The following KMT2A variants were observed in gnomAD, a reference collection of about 807,000 sequenced individuals.
The protein encoded by KMT2A is lysine methyltransferase 2A.
KMT2A carries 16 observed loss-of-function variants against 345.3 expected under a neutral mutation model. That is an observed-to-expected ratio of 0.05 (90% CI 0.03 to 0.07). The LOEUF (loss-of-function observed/expected upper bound fraction) is 0.07. Ranked by LOEUF, KMT2A falls within the 10% of genes least tolerant of loss-of-function variation. The pLI is 1.00. For synonymous variants in KMT2A, 1,599 were observed against 1,778.6 expected, an observed-to-expected ratio of 0.90 and a Z score of 2.54; for missense variants, 3,272 against 4,841.6, an observed-to-expected ratio of 0.68 and a Z score of 9.62.
chr11:118,506,569 A>C lies in KMT2A; in HGVS notation c.10677A>C (p.Lys3559Asn). The C allele has an allele frequency of 6.2e-7, 1 of 1,614,168 alleles. No homozygotes were observed. Among genetic ancestry groups the C allele is most frequent in the Non-Finnish European group, 8.5e-7 (1 of 1,180,028 alleles). ...ACAAAGGGAATGGCAAGAAGCACAA[A>C]GTTTCCCATTTGCGGACCAGTTCTT... is the stretch of plus-strand genomic sequence containing the variant. ...PLDKGNGKKHKVSHLRTSSSE... is the reference protein window; with the variant it reads ...PLDKGNGKKHNVSHLRTSSSE... The change falls in exon 27 of 36, where the codon AAA becomes AAC. Residue 3559 changes from lysine to asparagine, a missense_variant. Coordinates refer to ENST00000534358, the MANE Select transcript of KMT2A (RefSeq NM_001197104.2).
chr11:118,498,568 C>CTTT lies in KMT2A; in HGVS notation c.5961+44_5961+46dup, dbSNP rs781835065. ...GTTGCTTTAAAAAAAAAAAAAAAGACTTTTTTAGAGCAGTTTTAGGTTCAC... is the reference window on the plus strand; with the variant it reads ...GTTGCTTTAAAAAAAAAAAAAAAGACTTTTTTTTTAGAGCAGTTTTAGGTTCAC... On this transcript the variant is annotated intron_variant, in intron 22 of 35. Coordinates refer to ENST00000534358, the MANE Select transcript of KMT2A (RefSeq NM_001197104.2). The surrounding 1 kb of genome is among the most constrained non-coding windows in gnomAD (Gnocchi z 4.4). 2.1e-6 allele frequency: 3 copies of CTTT among 1,411,970 alleles called. No homozygotes were observed. The highest frequency in any genetic ancestry group is 2.9e-6 in the Non-Finnish European group (3 of 1,033,286). The allele number at this position is 1,411,970 out of a possible 1,614,324, so 87.5% of individuals were successfully genotyped here.
At chr11:118,492,237 T>C (rs1192242925) in intron 15 of KMT2A, among the ~76,000 whole-genome samples, 4 of 152,178 alleles carry the variant, frequency 2.6e-5, no homozygotes, top group African/African-American at 7.2e-5. Flanking sequence ...GAAAAAATAT[T>C]GTTCTGACTG....
In KMT2A at chr11:118,436,984, C is replaced by T. The variant is rs1949197885; in HGVS notation, c.432+40C>T. ...AACCCCCAGGTCCGGGGTCTCGACC[C>T]TCTGCGGAGCCCCCTCCCCTCCCCC... On this transcript the variant is annotated intron_variant, in intron 1 of 35. Coordinates refer to ENST00000534358, the MANE Select transcript of KMT2A (RefSeq NM_001197104.2). This position sits in a 1 kb window ranked among gnomAD's most constrained non-coding sequence, Gnocchi z 6.9. 2 of 1,386,466 alleles carry T rather than the reference C, an allele frequency of 1.4e-6. No individual in the cohort carries two copies. The highest frequency in any genetic ancestry group is 2.9e-5 in the East Asian group (1 of 34,208). 85.9% of individuals were successfully genotyped at this position (1,386,466 alleles called of 1,614,324 possible).
In KMT2A at chr11:118,496,211, C is replaced by T. The variant is rs1555043900; in HGVS notation, c.5558-50C>T. On this transcript the variant is annotated intron_variant, in intron 19 of 35. Transcript: ENST00000534358. The surrounding 1 kb of genome is among the most constrained non-coding windows in gnomAD (Gnocchi z 4.7). ...TCCTTGAAATCAGACATAGTATTGC[C>T]AATTTTAACTGGATCTCAAGGTATT... The T allele has an allele frequency of 4.5e-6, 6 of 1,326,264 alleles. No homozygotes were observed. Among genetic ancestry groups the T allele is most frequent in the Non-Finnish European group, 5.4e-6 (5 of 919,668 alleles). 82.2% of individuals were successfully genotyped at this position (1,326,264 alleles called of 1,614,324 possible). A position where few individuals can be genotyped will look rare whatever the true frequency, so the allele number is the denominator to read the frequency against.
In KMT2A at chr11:118,522,082, C is replaced by T; in HGVS notation, c.11829C>T (p.Leu3943=). 6.2e-7 allele frequency: 1 copy of T among 1,614,196 alleles called. No homozygotes were observed. ...AMRKIYRGEE[L]TYDYKFPIED... ...GTAAGATCTACCGAGGAGAGGAACT[C>T]ACTTACGACTATAAGTTCCCCATTG... Residue 3943 remains leucine, a synonymous_variant, in exon 36 of 36, where the codon CTC becomes CTT. Coordinates refer to ENST00000534358, the MANE Select transcript of KMT2A (RefSeq NM_001197104.2). This position sits in a 1 kb window ranked among gnomAD's most constrained non-coding sequence, Gnocchi z 5.4.
chr11:118,511,801 T>C, intron 30 of KMT2A, 150 bp from the exon 31 acceptor site: 1 of 715,282 alleles, frequency 1.4e-6, no homozygotes, highest in Non-Finnish European at 2.5e-6. Flanking sequence ...TGAACTGACT[T>C]AAACTCTAAG....
intron 1 of KMT2A, among the ~76,000 whole-genome samples, chr11:118,442,611 C>T (rs1157381513): frequency 3.3e-5 from 5 of 152,170 alleles, no homozygotes; most frequent in Non-Finnish European, 5.9e-5. Flanking sequence ...GGCTTTGAGA[C>T]ACAGACTGAA....
chr11:118,515,424 A>G (rs1281269929), intron 31 of KMT2A, among the ~76,000 whole-genome samples: 1 of 152,246 alleles, frequency 6.6e-6, no homozygotes, highest in Non-Finnish European at 1.5e-5. Context: ...TATATAACAG[A>G]AAGTCCAGAG....
At position 118,488,705 on chromosome 11, in the gene KMT2A, G is replaced by A. The variant is rs2134328037; in HGVS notation, c.4424G>A (p.Cys1475Tyr). ...RPLEDQLENW[C>Y]CRRCKFCHVC... ...CTGGAGGACCAGCTGGAAAATTGGT[G>A]TTGTCGTCGTTGCAAATTCTGTCAC... Residue 1475 changes from cysteine (C) to tyrosine (Y), a missense_variant, in exon 11 of 36, where the codon TGT becomes TAT. Coordinates refer to ENST00000534358, the MANE Select transcript of KMT2A (RefSeq NM_001197104.2). The A allele has an allele frequency of 6.2e-7, 1 of 1,614,152 alleles. No homozygotes were observed. The highest frequency in any genetic ancestry group is 8.5e-7 in the Non-Finnish European group (1 of 1,180,000).
intron 31 of KMT2A, among the ~76,000 whole-genome samples, chr11:118,515,498 T>C (rs1950792181): frequency 6.6e-6 from 1 of 152,224 alleles, no homozygotes; most frequent in Admixed American, 6.5e-5. Context: ...ATACCTAGAT[T>C]CTTTTCTTCT....
rs897984759 is a variant in KMT2A at position 118,497,134 on chromosome 11, A to T, written c.5664+767A>T. On this transcript the variant is annotated intron_variant, in intron 20 of 35. Coordinates refer to ENST00000534358, the MANE Select transcript of KMT2A (RefSeq NM_001197104.2). The surrounding 1 kb of genome is among the most constrained non-coding windows in gnomAD (Gnocchi z 4.8). ...ATTCTCCTGCCTCAGCCTCCCGAGT[A>T]GCTGGGATTACAGGCATGTGCCACC... Among the ~76,000 whole-genome samples the T allele has an allele frequency of 6.6e-6, 1 of 152,036 alleles. No individual in the cohort carries two copies. The highest frequency in any genetic ancestry group is 2.1e-4 in the South Asian group (1 of 4,824).
Position 118,498,614 on chromosome 11 carries a change from A to G in KMT2A, c.5961+86A>G. The G allele has an allele frequency of 7.2e-7, 1 of 1,395,932 alleles. No homozygotes were observed. Among genetic ancestry groups the G allele is most frequent in the Non-Finnish European group, 9.6e-7 (1 of 1,037,892 alleles). The allele number at this position is 1,395,932 out of a possible 1,614,324, so 86.5% of individuals were successfully genotyped here. ...TTCACAGCAAAATTGACTGGAAGGT[A>G]CAGAGATTTCCCATATGCCCCCTGC... On this transcript the variant is annotated intron_variant, in intron 22 of 35. Transcript: ENST00000534358. This position sits in a 1 kb window ranked among gnomAD's most constrained non-coding sequence, Gnocchi z 4.4.
chr11:118,439,170 A>G (rs781904316), intron 1 of KMT2A: 10 of 406,146 alleles, frequency 2.5e-5, no homozygotes, highest in Admixed American at 7.0e-5. Flanking sequence ...AAAAAAAAAA[A>G]AAAGAAAAAA....
intron 1 of KMT2A, among the ~76,000 whole-genome samples, chr11:118,451,449 G>A (rs1288306494): frequency 1.3e-5 from 2 of 151,646 alleles, no homozygotes; most frequent in South Asian, 2.1e-4. Context: ...GTGCAGTGGC[G>A]CAATTTCGGC....
intron 1 of KMT2A, among the ~76,000 whole-genome samples, chr11:118,441,388 G>A (rs184973989): frequency 6.6e-6 from 1 of 152,120 alleles, no homozygotes; most frequent in African/African-American, 2.4e-5. Context: ...GGACTTTGGG[G>A]AAGTTGACCA....
rs188216921 is a variant in KMT2A at position 118,484,339 on chromosome 11, G to A, written c.4218+25G>A. ...GGTAAAGGTGTTCAGTGATCATAAAGTATATTGAGTGTCAAAGACTTTAAA... is the reference window on the plus strand; with the variant it reads ...GGTAAAGGTGTTCAGTGATCATAAAATATATTGAGTGTCAAAGACTTTAAA... On this transcript the variant is annotated intron_variant, in intron 9 of 35. Transcript: ENST00000534358. This position sits in a 1 kb window ranked among gnomAD's most constrained non-coding sequence, Gnocchi z 4.1. The A allele has an allele frequency of 1.9e-6, 3 of 1,609,838 alleles. No individual in the cohort carries two copies. The South Asian group carries it at 3.3e-5, about 18-fold the overall frequency.
Position 118,521,358 on chromosome 11 carries a change from G to T in KMT2A, c.11584G>T (p.Ala3862Ser), listed in dbSNP as rs1950964365. 3.1e-6 allele frequency: 5 copies of T among 1,614,134 alleles called. No individual in the cohort carries two copies. In the East Asian group the frequency reaches 1.1e-4, roughly 36 times the overall value. ...TGCAGGTGAGATGGTGATTGAGTAT[G>T]CCGGCAACGTCATCCGCTCCATCCA... is the stretch of plus-strand genomic sequence containing the variant. Reference protein sequence around the residue: ...IDAGEMVIEYAGNVIRSIQTD... With the variant: ...IDAGEMVIEYSGNVIRSIQTD... Residue 3862 changes from alanine to serine, a missense_variant, in exon 35 of 36, where the codon GCC becomes TCC. Transcript: ENST00000534358. The surrounding 1 kb of genome is among the most constrained non-coding windows in gnomAD (Gnocchi z 5.3).
chr11:118,509,053 C>T (rs1555049346), intron 28 of KMT2A, 83 bp from the exon 29 acceptor site: 1 of 1,166,660 alleles, frequency 8.6e-7, no homozygotes, highest in East Asian at 2.5e-5. Context: ...TTTTGTATAC[C>T]ACAGCTGTAT....
At chr11:118,518,351 AAAAT>A (rs1462152091) in intron 31 of KMT2A, among the ~76,000 whole-genome samples, 1 of 152,240 alleles carries the variant, frequency 6.6e-6, no homozygotes, top group Non-Finnish European at 1.5e-5. Flanking sequence ...TCATAAAATA[AAAAT>A]AAATAAAAAA....
Sources: gnomAD v4.1 joint callset for allele counts (sites outside exome capture counted in the v4.1 genomes callset) on GRCh38, gnomAD v4.1.1 for gene constraint, Gnocchi (gnomAD v3.1) non-coding constraint, MANE v1.5 for transcripts, NCBI Gene and HGNC (gene_info 2026-07-23, HGNC 2026-07-21) for gene names.